SNTG1: variants seen among roughly 807,000 people sequenced by gnomAD.
SNTG1 encodes the protein syntrophin gamma 1, also known as gamma-1-syntrophin.
A neutral mutation model predicts 74.7 loss-of-function variants in SNTG1; 39 were observed. The ratio of observed to expected loss-of-function variants is 0.52; its 90% confidence interval spans 0.40 to 0.68. SNTG1 has a LOEUF of 0.68. Ranked by LOEUF, SNTG1 falls within the 30% of genes least tolerant of loss-of-function variation. The pLI is 0.00. For synonymous variants in SNTG1, 254 were observed against 217.1 expected (o/e 1.17, Z -1.49); for missense variants, 685 against 609.5 (o/e 1.12, Z -1.30).
At chr8:50,089,132 C>G (rs1586218305) in intron 1 of SNTG1, among the ~76,000 whole-genome samples, 1 of 151,100 alleles carries the variant, frequency 6.6e-6, no homozygotes, top group East Asian at 2.0e-4. Flanking sequence ...CTTTGACAAA[C>G]CTGACAAAAA....
intron 2 of SNTG1, among the ~76,000 whole-genome samples, chr8:50,309,167 C>A (rs1249363066): frequency 1.3e-5 from 2 of 152,084 alleles, no homozygotes; most frequent in Non-Finnish European, 2.9e-5. Flanking sequence ...ATGAAGAAAG[C>A]CACAAGCTTT....
chr8:50,039,672 T>A (rs1004895398), intron 1 of SNTG1, among the ~76,000 whole-genome samples: 1 of 152,146 alleles, frequency 6.6e-6, no homozygotes, highest in African/African-American at 2.4e-5. Flanking sequence ...GTATATTCCC[T>A]ATTTCCCATA....
intron 2 of SNTG1, among the ~76,000 whole-genome samples, chr8:50,310,040 A>G (rs2090046591): frequency 6.6e-6 from 1 of 152,188 alleles, no homozygotes; most frequent in Admixed American, 6.5e-5. Flanking sequence ...TTGAAACTCA[A>G]TCTGTGTTTG....
At chr8:50,654,840 T>C (rs1311897821) in intron 13 of SNTG1, among the ~76,000 whole-genome samples, 1 of 152,188 alleles carries the variant, frequency 6.6e-6, no homozygotes, top group Non-Finnish European at 1.5e-5. Context: ...TGATGACTTC[T>C]GCCTTAACTT....
chr8:50,282,056 G>C (rs1408407907), intron 2 of SNTG1, among the ~76,000 whole-genome samples: 2 of 152,088 alleles, frequency 1.3e-5, no homozygotes, highest in Non-Finnish European at 1.5e-5. Context: ...CAGCCTAATG[G>C]CTAAGGTCAG....
At chr8:50,120,286 G>C (rs1418928126) in intron 1 of SNTG1, among the ~76,000 whole-genome samples, 2 of 140,098 alleles carry the variant, frequency 1.4e-5, no homozygotes, top group Non-Finnish European at 3.2e-5. Context: ...AGCTATTACT[G>C]TCACTACTAT....
At chr8:50,678,799 A>G (rs923997259) in intron 15 of SNTG1, among the ~76,000 whole-genome samples, 2 of 152,136 alleles carry the variant, frequency 1.3e-5, no homozygotes, top group African/African-American at 2.4e-5. Flanking sequence ...AATTTTTTGT[A>G]AAACTATTGA....
rs144874295 is a variant in SNTG1, at chr8:50,320,289, T to C, written c.-27-73923T>C. ...TTCATTTCTTTTAGATTTCCCAATT[T>C]ATTGGCACAAAGTTGCTTATAGAAG... On this transcript the variant is annotated intron_variant, in intron 2 of 18. Transcript: ENST00000642720. 2.6e-3 allele frequency among the ~76,000 whole-genome samples: 393 copies of C among 152,306 alleles called. 1 individual carries two copies. The highest frequency in any genetic ancestry group is 8.8e-3 in the African/African-American group (366 of 41,586).
chr8:50,734,433 A>G (rs773479081), intron 17 of SNTG1, among the ~76,000 whole-genome samples: 5 of 151,510 alleles, frequency 3.3e-5, no homozygotes, highest in Non-Finnish European at 7.4e-5. Context: ...ATTCTATATT[A>G]ATTTATTCTG....
intron 17 of SNTG1, among the ~76,000 whole-genome samples, chr8:50,737,599 A>C (rs1269208486): frequency 6.6e-6 from 1 of 152,128 alleles, no homozygotes; most frequent in Non-Finnish European, 1.5e-5. Context: ...TAGTAGAGAC[A>C]CAACAAAAAA....
At chr8:49,969,054 G>T (rs1040418008) in intron 1 of SNTG1, among the ~76,000 whole-genome samples, 3 of 152,190 alleles carry the variant, frequency 2.0e-5, no homozygotes, top group African/African-American at 4.8e-5. Flanking sequence ...GAATTAGTGT[G>T]TAAAATGAAT....
chr8:50,360,719 A>G (rs542613648), intron 2 of SNTG1, among the ~76,000 whole-genome samples: 8 of 152,328 alleles, frequency 5.3e-5, no homozygotes, highest in African/African-American at 1.9e-4. Context: ...ATCTCCAAAC[A>G]TATCTAAACA....
rs1194964660 is a variant in SNTG1 at position 50,465,038 on chromosome 8, G to A, written c.363+14309G>A. On this transcript the variant is annotated intron_variant, in intron 8 of 18. Transcript: ENST00000642720. ...ATATGAAATATGTAATATCTGCAGA[G>A]GTCAGTTAAGTCAAGCACAAGGAAA... Among the ~76,000 whole-genome samples the A allele has an allele frequency of 2.0e-5, 3 of 151,696 alleles. No individual in the cohort carries two copies. The East Asian group carries it at 5.8e-4, about 30-fold the overall frequency.
At chr8:50,072,629 T>G (rs1357915510) in intron 1 of SNTG1, among the ~76,000 whole-genome samples, 1 of 152,196 alleles carries the variant, frequency 6.6e-6, no homozygotes, top group Non-Finnish European at 1.5e-5. Context: ...CATCATACTT[T>G]TATCTTGAAG....
chr8:50,477,985 T>C (rs146393741), intron 8 of SNTG1, among the ~76,000 whole-genome samples: 1 of 152,314 alleles, frequency 6.6e-6, no homozygotes, highest in African/African-American at 2.4e-5. Context: ...CATATATGGG[T>C]ACAATGAATG....
At chr8:50,606,635 C>CACATTT (rs1554586395) in intron 13 of SNTG1, among the ~76,000 whole-genome samples, 34,079 of 151,598 alleles carry the variant, frequency 0.22, 8,562 homozygotes, top group African/African-American at 0.62. Flanking sequence ...CTGATAAACA[C>CACATTT]ATACCTTGTA....
At chr8:50,400,792 T>C (rs79505002) in intron 3 of SNTG1, among the ~76,000 whole-genome samples, 4,479 of 152,206 alleles carry the variant, frequency 0.029, 92 homozygotes, top group Middle Eastern at 0.075. Context: ...TACCACACAC[T>C]GGGGTGCATG....
chr8:50,033,106 T>C (rs1172092977), intron 1 of SNTG1, among the ~76,000 whole-genome samples: 1 of 151,772 alleles, frequency 6.6e-6, no homozygotes, highest in Non-Finnish European at 1.5e-5. Context: ...TAAGGAACTA[T>C]GCAATAAAAA....
intron 2 of SNTG1, among the ~76,000 whole-genome samples, chr8:50,310,705 C>CAAAT (rs972841779): frequency 5.3e-5 from 8 of 151,992 alleles, no homozygotes; most frequent in South Asian, 2.1e-4. Flanking sequence ...AGTAAGTAAA[C>CAAAT]AAATAAATAA....
Sources: gnomAD v4.1 joint callset for allele counts (sites outside exome capture counted in the v4.1 genomes callset) on GRCh38, gnomAD v4.1.1 for gene constraint, MANE v1.5 for transcripts, NCBI Gene and HGNC (gene_info 2026-07-23, HGNC 2026-07-21) for gene names.